The following CADPS2 variants were observed in gnomAD, a reference collection of about 807,000 sequenced individuals.
CADPS2 encodes the protein calcium-dependent secretion activator 2.
A neutral mutation model predicts 172.5 loss-of-function variants in CADPS2; 93 were observed. That is an observed-to-expected ratio of 0.54 (90% CI 0.46 to 0.64). The LOEUF (loss-of-function observed/expected upper bound fraction) is 0.64, where lower values mean the gene tolerates loss of function less well. CADPS2 is among the 30% of genes least tolerant of loss of function. The probability of loss-of-function intolerance (pLI) is 0.00; values close to 1 mark genes in which losing one functional copy is unlikely to be tolerated. For synonymous variants in CADPS2, 546 were observed against 555.2 expected, an observed-to-expected ratio of 0.98 and a Z score of 0.23; for missense variants, 1,420 against 1,565.9, an observed-to-expected ratio of 0.91 and a Z score of 1.57.
In CADPS2 at chr7:122,557,870, T is replaced by C. The variant is rs570516491; in HGVS notation, c.1336-3181A>G. Among the ~76,000 whole-genome samples, 7 of 152,280 alleles carry C rather than the reference T, an allele frequency of 4.6e-5. No individual in the cohort carries two copies. The South Asian group carries it at 1.2e-3, about 27-fold the overall frequency. On this transcript the variant is annotated intron_variant, in intron 7 of 29. Coordinates refer to ENST00000449022, the MANE Select transcript of CADPS2 (RefSeq NM_017954.11). ...CCTCCTGCTTCTAAGTAGGGACATA[T>C]GAAAGTTCTTGTTAAAGGTGACATG... is the stretch of plus-strand genomic sequence containing the variant.
intron 1 of CADPS2, among the ~76,000 whole-genome samples, chr7:122,878,639 C>CAAATAAATAAATAAAT (rs59190953): frequency 1.9e-4 from 27 of 138,994 alleles, no homozygotes; most frequent in South Asian, 2.4e-4. Context: ...GACTCTGTCT[C>CAAATAAATAAATAAAT]AAATAAATAA....
At position 122,837,035 on chromosome 7, in the gene CADPS2, ACTC is replaced by A. The variant is rs1202849099; in HGVS notation, c.339+48961_339+48963del. 3.4e-5 allele frequency among the ~76,000 whole-genome samples: 5 copies of A among 148,860 alleles called. No homozygotes were observed. In the East Asian group the frequency reaches 7.9e-4, roughly 23 times the overall value. On this transcript the variant is annotated intron_variant, in intron 1 of 29. Transcript: ENST00000449022. ...TTGACCACACAGTTGGAAGTAAAGC[ACTC>A]CTCAGCAAATGTAAAAGAACATAAA...
At chr7:122,798,996 G>T (rs1411079440) in intron 1 of CADPS2, among the ~76,000 whole-genome samples, 2 of 152,010 alleles carry the variant, frequency 1.3e-5, no homozygotes, top group Non-Finnish European at 2.9e-5. Context: ...CATTTGTTCA[G>T]GTGTGCCTCC....
rs987071867 is a variant in CADPS2 at position 122,851,884 on chromosome 7, C to T, written c.339+34115G>A. 2.6e-5 allele frequency among the ~76,000 whole-genome samples: 4 copies of T among 152,232 alleles called. No homozygotes were observed. In the East Asian group the frequency reaches 5.8e-4, roughly 22 times the overall value. On this transcript the variant is annotated intron_variant, in intron 1 of 29. Transcript: ENST00000449022. The stretch of plus-strand genomic sequence containing the variant: ...AGATGAGATTTGGGTGGGAACACAG[C>T]CAAGCCATATCAGAGCCCTTACTGT...
At chr7:122,760,138 T>TA (rs1251229643) in intron 1 of CADPS2, among the ~76,000 whole-genome samples, 1 of 152,004 alleles carries the variant, frequency 6.6e-6, no homozygotes, top group African/African-American at 2.4e-5. Flanking sequence ...AGACACACTG[T>TA]ATAATTACTA....
intron 1 of CADPS2, among the ~76,000 whole-genome samples, chr7:122,760,881 G>A (rs1044869635): frequency 2.0e-5 from 3 of 151,846 alleles, no homozygotes; most frequent in Non-Finnish European, 2.9e-5. Context: ...GTTACTGGGT[G>A]CAGCACACCA....
intron 20 of CADPS2, among the ~76,000 whole-genome samples, chr7:122,393,981 C>T (rs2044735521): frequency 6.6e-6 from 1 of 152,146 alleles, no homozygotes; most frequent in African/African-American, 2.4e-5. Context: ...TGCTGTGTAT[C>T]ACAGAGGAGC....
At chr7:122,639,513 T>C (rs2077387075) in intron 3 of CADPS2, among the ~76,000 whole-genome samples, 1 of 152,166 alleles carries the variant, frequency 6.6e-6, no homozygotes, top group Non-Finnish European at 1.5e-5. Flanking sequence ...TTTCCTCAGT[T>C]TTATGTGTGC....
chr7:122,721,945 T>G (rs1376798190), intron 2 of CADPS2, among the ~76,000 whole-genome samples: 1 of 152,040 alleles, frequency 6.6e-6, no homozygotes, highest in Non-Finnish European at 1.5e-5. Flanking sequence ...AAAAAACACA[T>G]GATTATCTCA....
intron 11 of CADPS2, among the ~76,000 whole-genome samples, chr7:122,482,088 C>T (rs1385777875): frequency 3.3e-5 from 5 of 152,126 alleles, no homozygotes; most frequent in Admixed American, 6.5e-5. Flanking sequence ...TTCCTACCTG[C>T]TTTTCTTGCC....
At chr7:122,781,911 T>C (rs1045534685) in intron 1 of CADPS2, among the ~76,000 whole-genome samples, 1 of 152,140 alleles carries the variant, frequency 6.6e-6, no homozygotes, top group Non-Finnish European at 1.5e-5. Context: ...ATTCTGTCTA[T>C]TTATTTTGGG....
At chr7:122,367,689 A>AT (rs2041134008) in intron 25 of CADPS2, among the ~76,000 whole-genome samples, 1 of 134,220 alleles carries the variant, frequency 7.5e-6, no homozygotes, top group Non-Finnish European at 1.6e-5. Context: ...GTTTATAGGC[A>AT]TGTGCAACCA....
chr7:122,625,444 G>A (rs140460210), intron 4 of CADPS2, among the ~76,000 whole-genome samples: 5 of 152,290 alleles, frequency 3.3e-5, no homozygotes, highest in South Asian at 4.1e-4. Context: ...TTCTTTAGAC[G>A]TGAATAACAT....
intron 3 of CADPS2, among the ~76,000 whole-genome samples, chr7:122,657,144 C>A (rs549783293): frequency 2.1e-4 from 32 of 152,282 alleles, no homozygotes; most frequent in Non-Finnish European, 3.8e-4. Flanking sequence ...TTTCTGAGGA[C>A]TCTGCTCTGT....
chr7:122,453,403 T>C (rs2053380069), intron 14 of CADPS2, among the ~76,000 whole-genome samples: 1 of 152,180 alleles, frequency 6.6e-6, no homozygotes. Flanking sequence ...AACTGAAACC[T>C]ATGAATAATT....
chr7:122,812,951 G>A (rs561009338), intron 1 of CADPS2, among the ~76,000 whole-genome samples: 1 of 152,152 alleles, frequency 6.6e-6, no homozygotes, highest in South Asian at 2.1e-4. Flanking sequence ...CATTCTCTAT[G>A]GGCTGTTTGC....
At chr7:122,377,341 TTG>T in intron 25 of CADPS2, among the ~76,000 whole-genome samples, 1 of 152,276 alleles carries the variant, frequency 6.6e-6, no homozygotes, top group Middle Eastern at 3.4e-3. Context: ...GTGTCTTACT[TTG>T]CCAGAAATGG....
chr7:122,399,660 C>CTTTT lies in CADPS2; in HGVS notation c.2747-6082_2747-6079dup, dbSNP rs1008163151. ...CGATAACTCTCTCAAGGGTGGGTTT[C>CTTTT]TTTTTTTTTTTTTTTTTTTTTTTTT... On this transcript the variant is annotated intron_variant, in intron 20 of 29. Coordinates refer to ENST00000449022, the MANE Select transcript of CADPS2 (RefSeq NM_017954.11). Among the ~76,000 whole-genome samples, 93 of 51,224 alleles carry CTTTT rather than the reference C, an allele frequency of 1.8e-3. 16 individuals carry two copies. Among genetic ancestry groups the CTTTT allele is most frequent in the Non-Finnish European group, 2.3e-3 (61 of 27,066 alleles). The allele number at this position is 51,224 out of a possible 152,430, so 33.6% of individuals were successfully genotyped here.
chr7:122,577,654 T>C (rs2068224405), intron 7 of CADPS2, among the ~76,000 whole-genome samples: 1 of 152,198 alleles, frequency 6.6e-6, no homozygotes, highest in Non-Finnish European at 1.5e-5. Context: ...ACAACCTTCA[T>C]AAACCCTTTG....
Sources: gnomAD v4.1 joint callset for allele counts (sites outside exome capture counted in the v4.1 genomes callset) on GRCh38, gnomAD v4.1.1 for gene constraint, MANE v1.5 for transcripts, NCBI Gene and HGNC (gene_info 2026-07-23, HGNC 2026-07-21) for gene names.